Variants in CCBE1 observed in about 807,000 individuals in gnomAD.
CCBE1 encodes the protein collagen and calcium-binding EGF domain-containing protein 1.
CCBE1 carries 37 observed loss-of-function variants against 50.0 expected under a neutral mutation model. The ratio of observed to expected loss-of-function variants is 0.74; its 90% CI spans 0.57 to 0.97. The LOEUF (loss-of-function observed/expected upper bound fraction) is 0.97, where lower values mean the gene tolerates loss of function less well. Among genes scored for constraint, CCBE1 ranks in the 50% least tolerant of loss-of-function variants. The pLI is 0.00. For synonymous variants in CCBE1, 234 were observed against 203.7 expected (o/e 1.15, Z -1.27); for missense variants, 538 against 523.8 (o/e 1.03, Z -0.26).
intron 2 of CCBE1, among the ~76,000 whole-genome samples, chr18:59,608,931 C>T (rs2053535902): frequency 6.6e-6 from 1 of 152,238 alleles, no homozygotes; most frequent in Non-Finnish European, 1.5e-5. Context: ...CATCCATAAT[C>T]TGGCTTCTAT....
chr18:59,517,273 C>G (rs901473763), intron 2 of CCBE1, among the ~76,000 whole-genome samples: 19 of 152,200 alleles, frequency 1.2e-4, no homozygotes, highest in Admixed American at 6.5e-5. Context: ...CACCCATGAA[C>G]AAGTTGTGCC....
At chr18:59,496,046 T>G (rs1311337853) in intron 2 of CCBE1, among the ~76,000 whole-genome samples, 1 of 152,216 alleles carries the variant, frequency 6.6e-6, no homozygotes, top group Admixed American at 6.5e-5. Context: ...ATCTCTATAT[T>G]GAGTCCTATG....
chr18:59,603,854 G>C (rs989678468), intron 2 of CCBE1, among the ~76,000 whole-genome samples: 2 of 152,210 alleles, frequency 1.3e-5, no homozygotes, highest in Non-Finnish European at 2.9e-5. Flanking sequence ...AAGTGTTGGA[G>C]GTGGACATCT....
intron 2 of CCBE1, among the ~76,000 whole-genome samples, chr18:59,543,676 A>T (rs1395833534): frequency 1.3e-5 from 2 of 152,106 alleles, no homozygotes; most frequent in Non-Finnish European, 2.9e-5. Flanking sequence ...TCTACTAAAA[A>T]TACAGAAAAT....
In CCBE1 at chr18:59,515,777, C is replaced by T. The variant is rs186527190; in HGVS notation, c.213-35539G>A. 6.6e-4 allele frequency among the ~76,000 whole-genome samples: 100 copies of T among 152,270 alleles called. 1 individual carries two copies. The highest frequency in any genetic ancestry group is 2.2e-3 in the African/African-American group (91 of 41,554). On this transcript the variant is annotated intron_variant, in intron 2 of 10. Transcript: ENST00000439986. ...CAGGCTACCTTGGTTCATTTCCTGC[C>T]TCTGCCACTTTCCAGCTATGACTTC... is the stretch of plus-strand genomic sequence containing the variant.
At chr18:59,520,266 AT>A (rs1914541787) in intron 2 of CCBE1, among the ~76,000 whole-genome samples, 2 of 152,268 alleles carry the variant, frequency 1.3e-5, no homozygotes, top group Admixed American at 1.3e-4. Flanking sequence ...ACTTTGGGCA[AT>A]ATGGCCATTT....
At chr18:59,583,764 T>C (rs528962813) in intron 2 of CCBE1, among the ~76,000 whole-genome samples, 17 of 151,974 alleles carry the variant, frequency 1.1e-4, no homozygotes, top group African/African-American at 3.4e-4. Flanking sequence ...AGAAGGGCAA[T>C]TTTTTTGTCT....
Position 59,435,933 on chromosome 18 carries a change from C to T in CCBE1, c.1196G>A (p.Arg399Lys), listed in dbSNP as rs1269183737. 3 of 1,614,106 alleles carry T rather than the reference C, an allele frequency of 1.9e-6. No homozygotes were observed. The East Asian group carries it at 6.7e-5, about 36-fold the overall frequency. The stretch of plus-strand genomic sequence containing the variant: ...CTATGGGTAGAAGTCTCTGGGGGCT[C>T]TCAAGTCTCTTGTCTCAGTTCTTCT... ...HPRRTETRDL[R>K]APRDFYP Residue 399 changes from arginine (R) to lysine (K), a missense_variant, in exon 11 of 11, where the codon AGA becomes AAA. Coordinates refer to ENST00000439986, the MANE Select transcript of CCBE1 (RefSeq NM_133459.4).
At chr18:59,439,933 T>TGATGGAGATG in intron 7 of CCBE1, 117 bp from the exon 8 acceptor site, 1 of 1,078,798 alleles carries the variant, frequency 9.3e-7, no homozygotes, top group Non-Finnish European at 1.3e-6. Flanking sequence ...TGCCTTTGCC[T>TGATGGAGATG]TCTGACATCT....
At chr18:59,583,027 C>T (rs2053108694) in intron 2 of CCBE1, among the ~76,000 whole-genome samples, 1 of 151,962 alleles carries the variant, frequency 6.6e-6, no homozygotes, top group Non-Finnish European at 1.5e-5. Context: ...CTATGTTGCC[C>T]AGGCTAGTCT....
chr18:59,507,163 T>C (rs1163572773), intron 2 of CCBE1, among the ~76,000 whole-genome samples: 2 of 152,184 alleles, frequency 1.3e-5, no homozygotes, highest in Non-Finnish European at 2.9e-5. Flanking sequence ...AACCATATCT[T>C]CTTTCCAAAA....
At chr18:59,617,030 C>T (rs2053645977) in intron 2 of CCBE1, among the ~76,000 whole-genome samples, 1 of 152,180 alleles carries the variant, frequency 6.6e-6, no homozygotes, top group Non-Finnish European at 1.5e-5. Context: ...TCATCCCAAA[C>T]CAATTAGATA....
At chr18:59,639,464 C>T (rs916695403) in intron 2 of CCBE1, among the ~76,000 whole-genome samples, 8 of 152,108 alleles carry the variant, frequency 5.3e-5, no homozygotes, top group African/African-American at 1.9e-4. Flanking sequence ...GTTAAAAAAT[C>T]AACAAATTAG....
intron 2 of CCBE1, among the ~76,000 whole-genome samples, chr18:59,519,213 C>A (rs553607724): frequency 6.6e-6 from 1 of 152,336 alleles, no homozygotes; most frequent in African/African-American, 2.4e-5. Context: ...TGGGTCTCAG[C>A]TGTGGTCCAG....
chr18:59,668,201 C>A (rs1345902926), intron 2 of CCBE1, among the ~76,000 whole-genome samples: 1 of 152,012 alleles, frequency 6.6e-6, no homozygotes, highest in Non-Finnish European at 1.5e-5. Context: ...GGGTGGATCA[C>A]AAGGTCAGGA....
intron 2 of CCBE1, among the ~76,000 whole-genome samples, chr18:59,535,007 C>T (rs1172147008): frequency 6.6e-6 from 1 of 152,184 alleles, no homozygotes; most frequent in Non-Finnish European, 1.5e-5. Context: ...TAAAATGTTA[C>T]ACGATAGCTC....
intron 2 of CCBE1, among the ~76,000 whole-genome samples, chr18:59,627,070 G>T (rs778888465): frequency 3.2e-4 from 49 of 152,096 alleles, no homozygotes; most frequent in Admixed American, 1.0e-3. Context: ...CTACTCTTTT[G>T]AATACTCTTC....
chr18:59,673,352 G>C (rs945700365), intron 2 of CCBE1, among the ~76,000 whole-genome samples: 2 of 152,202 alleles, frequency 1.3e-5, no homozygotes, highest in African/African-American at 4.8e-5. Context: ...TTGGGAAGCT[G>C]AGACAGGAGA....
rs150280591 is a variant in CCBE1 at position 59,524,277 on chromosome 18, G to A, written c.213-44039C>T. Among the ~76,000 whole-genome samples, 1,059 of 152,260 alleles carry A rather than the reference G, an allele frequency of 7.0e-3. 8 individuals carry two copies. The highest frequency in any genetic ancestry group is 0.011 in the Non-Finnish European group (754 of 68,004). On this transcript the variant is annotated intron_variant, in intron 2 of 10. Coordinates refer to ENST00000439986, the MANE Select transcript of CCBE1 (RefSeq NM_133459.4). Reference sequence around the variant, plus strand: ...GAAGTTTGCAGTGAGCCAAGATTGCGCCACTGCACTACAGCCTGGGTAACA... The same window carrying A: ...GAAGTTTGCAGTGAGCCAAGATTGCACCACTGCACTACAGCCTGGGTAACA...
Sources: allele counts gnomAD v4.1 joint callset (sites outside exome capture counted in the v4.1 genomes callset), GRCh38; gene constraint gnomAD v4.1.1; transcripts MANE v1.5; gene names NCBI Gene and HGNC (gene_info 2026-07-23, HGNC 2026-07-21).